Variants in KCTD8 observed in about 807,000 individuals in gnomAD.
KCTD8 encodes the protein BTB/POZ domain-containing protein KCTD8.
In KCTD8, 27 loss-of-function variants were observed where a neutral mutation model predicts 31.5. The ratio of observed to expected loss-of-function variants is 0.86; its 90% CI spans 0.63 to 1.18. The LOEUF (loss-of-function observed/expected upper bound fraction) is 1.18, where lower values mean the gene tolerates loss of function less well. Among genes scored for constraint, KCTD8 ranks in the 50% most tolerant of loss-of-function variants. KCTD8 has a pLI of 0.00. For missense variants in KCTD8, 658 were observed against 647.7 expected (o/e 1.02, Z -0.17); for synonymous variants, 290 against 280.0 (o/e 1.04, Z -0.36).
chr4:44,402,337 T>C (rs990422653), intron 1 of KCTD8, among the ~76,000 whole-genome samples: 85 of 152,182 alleles, frequency 5.6e-4, no homozygotes, highest in Admixed American at 5.4e-3. Context: ...TTAATGCAAA[T>C]GTTCCAAGAA....
chr4:44,422,531 T>C (rs1231321951), intron 1 of KCTD8, among the ~76,000 whole-genome samples: 1 of 152,082 alleles, frequency 6.6e-6, no homozygotes, highest in Non-Finnish European at 1.5e-5. Flanking sequence ...CTAATAATTT[T>C]ATTAATATAC....
chr4:44,444,899 A>C (rs1029206484), intron 1 of KCTD8, among the ~76,000 whole-genome samples: 1 of 152,192 alleles, frequency 6.6e-6, no homozygotes, highest in African/African-American at 2.4e-5. Context: ...AAAGTGACTG[A>C]TACTTGTTAT....
intron 1 of KCTD8, among the ~76,000 whole-genome samples, chr4:44,301,503 C>A (rs1162642495): frequency 1.3e-5 from 2 of 152,198 alleles, no homozygotes; most frequent in Non-Finnish European, 1.5e-5. Context: ...CTTTTGGCTG[C>A]ATAAATGTCT....
At chr4:44,224,957 C>T (rs976772977) in intron 1 of KCTD8, among the ~76,000 whole-genome samples, 9 of 152,286 alleles carry the variant, frequency 5.9e-5, no homozygotes, top group East Asian at 1.9e-4. Flanking sequence ...CTTCCGCCCA[C>T]ATTTCATTGG....
intron 1 of KCTD8, among the ~76,000 whole-genome samples, chr4:44,195,057 T>C (rs1713898392): frequency 6.6e-6 from 1 of 151,640 alleles, no homozygotes; most frequent in Non-Finnish European, 1.5e-5. Context: ...TTTTTATTTT[T>C]AGTACAGACG....
At chr4:44,274,571 T>C (rs1054225677) in intron 1 of KCTD8, among the ~76,000 whole-genome samples, 3 of 151,868 alleles carry the variant, frequency 2.0e-5, no homozygotes, top group Non-Finnish European at 2.9e-5. Flanking sequence ...ATTTCTACTA[T>C]ATTGAATTAT....
At chr4:44,416,407 A>G (rs1721078931) in intron 1 of KCTD8, among the ~76,000 whole-genome samples, 1 of 152,150 alleles carries the variant, frequency 6.6e-6, no homozygotes, top group Non-Finnish European at 1.5e-5. Context: ...GTGATGTGAG[A>G]AGGGTATGAG....
chr4:44,347,710 ACT>A (rs1227571441), intron 1 of KCTD8, among the ~76,000 whole-genome samples: 1 of 152,198 alleles, frequency 6.6e-6, no homozygotes, highest in Non-Finnish European at 1.5e-5. Context: ...CATTATCAAC[ACT>A]GATATTTACA....
chr4:44,305,704 C>T (rs1486957044), intron 1 of KCTD8, among the ~76,000 whole-genome samples: 1 of 151,824 alleles, frequency 6.6e-6, no homozygotes, highest in East Asian at 1.9e-4. Flanking sequence ...ACACCACTAA[C>T]ATGATTGATA....
intron 1 of KCTD8, among the ~76,000 whole-genome samples, chr4:44,277,294 T>G (rs1716778481): frequency 6.6e-6 from 1 of 151,838 alleles, no homozygotes. Flanking sequence ...CAAGCTTTGA[T>G]AATTATAATT....
chr4:44,403,721 T>C (rs1296382070), intron 1 of KCTD8, among the ~76,000 whole-genome samples: 2 of 152,084 alleles, frequency 1.3e-5, no homozygotes, highest in African/African-American at 2.4e-5. Context: ...AAAGGTCCCA[T>C]CTCCAAACAG....
At chr4:44,384,031 T>C (rs1046763916) in intron 1 of KCTD8, among the ~76,000 whole-genome samples, 3 of 151,846 alleles carry the variant, frequency 2.0e-5, no homozygotes, top group African/African-American at 7.3e-5. Context: ...AAAGAAGCCA[T>C]ATAAATGGCC....
At chr4:44,396,233 C>T (rs1720501407) in intron 1 of KCTD8, among the ~76,000 whole-genome samples, 1 of 152,062 alleles carries the variant, frequency 6.6e-6, no homozygotes, top group African/African-American at 2.4e-5. Flanking sequence ...ACTGATCTGA[C>T]AGGAGGCAGA....
chr4:44,387,689 T>C (rs1287622603), intron 1 of KCTD8, among the ~76,000 whole-genome samples: 2 of 151,952 alleles, frequency 1.3e-5, no homozygotes, highest in Non-Finnish European at 2.9e-5. Flanking sequence ...ACTGGACTCC[T>C]TCCTTACACC....
Position 44,447,861 on chromosome 4 carries a change from G to C in KCTD8, c.663C>G (p.Arg221=), listed in dbSNP as rs776376838. Residue 221 remains arginine, a synonymous_variant, in exon 1 of 2, where the codon CGC becomes CGG. Transcript: ENST00000360029. ...GGAATTTGGCGTCGGCCTGGTTGTC[G>C]CGCACGGTGGTGTAGGAGCCCCGGT... ...LGYRGSYTTV[R]DNQADAKFRR... 23 of 1,573,846 alleles carry C rather than the reference G, an allele frequency of 1.5e-5. No homozygotes were observed. The Middle Eastern group carries it at 6.6e-4, about 45-fold the overall frequency.
chr4:44,411,514 T>A (rs898624709), intron 1 of KCTD8, among the ~76,000 whole-genome samples: 6 of 151,848 alleles, frequency 4.0e-5, no homozygotes, highest in Admixed American at 6.6e-5. Context: ...TTTATAAAAA[T>A]GAATGTATGT....
chr4:44,436,508 G>A (rs1721651938), intron 1 of KCTD8, among the ~76,000 whole-genome samples: 1 of 152,018 alleles, frequency 6.6e-6, no homozygotes, highest in East Asian at 1.9e-4. Flanking sequence ...GACAAACTTA[G>A]AAATATGATT....
intron 1 of KCTD8, among the ~76,000 whole-genome samples, chr4:44,422,334 T>C (rs1423421084): frequency 6.6e-6 from 1 of 152,064 alleles, no homozygotes; most frequent in Admixed American, 6.6e-5. Context: ...CTTTGAGATA[T>C]ATTATTAGTG....
intron 1 of KCTD8, among the ~76,000 whole-genome samples, chr4:44,247,676 A>C (rs1480001002): frequency 1.3e-5 from 2 of 151,754 alleles, no homozygotes; most frequent in Non-Finnish European, 2.9e-5. Context: ...TGTGGATTTG[A>C]CTATTTTAGG....
Sources: gnomAD v4.1 joint callset for allele counts (sites outside exome capture counted in the v4.1 genomes callset) on GRCh38, gnomAD v4.1.1 for gene constraint, MANE v1.5 for transcripts, NCBI Gene and HGNC (gene_info 2026-07-23, HGNC 2026-07-21) for gene names.